Variants in C3orf70 observed in about 807,000 individuals in gnomAD.
The protein encoded by C3orf70 is UPF0524 protein C3orf70.
C3orf70 carries 15 observed loss-of-function variants against 20.7 expected under a neutral mutation model. The ratio of observed to expected loss-of-function variants is 0.72; its 90% CI spans 0.48 to 1.11. The LOEUF is 1.11. C3orf70 is among the 50% of genes most tolerant of loss of function. The probability of loss-of-function intolerance (pLI) is 0.00; values close to 1 mark genes in which losing one functional copy is unlikely to be tolerated. For missense variants in C3orf70, 332 were observed against 317.6 expected, an observed-to-expected ratio of 1.05 and a Z score of -0.34; for synonymous variants, 161 against 125.7, an observed-to-expected ratio of 1.28 and a Z score of -1.88.
At chr3:185,146,284 T>G (rs1237320860) in intron 1 of C3orf70, among the ~76,000 whole-genome samples, 2 of 131,256 alleles carry the variant, frequency 1.5e-5, no homozygotes, top group African/African-American at 3.5e-5. Flanking sequence ...TCATTTTTTT[T>G]TTTTTTTTTT....
chr3:185,145,800 G>A (rs1279538795), intron 1 of C3orf70, among the ~76,000 whole-genome samples: 1 of 152,180 alleles, frequency 6.6e-6, no homozygotes, highest in Admixed American at 6.5e-5. Context: ...GTTTAAATGA[G>A]CAAACACATA....
intron 1 of C3orf70, among the ~76,000 whole-genome samples, chr3:185,092,820 G>A (rs527766265): frequency 2.2e-3 from 340 of 151,856 alleles, no homozygotes; most frequent in Middle Eastern, 0.01. Context: ...GTGAAACCCC[G>A]TCTGTGCTAA....
At chr3:185,129,485 C>T (rs768984171) in intron 1 of C3orf70, among the ~76,000 whole-genome samples, 21 of 152,124 alleles carry the variant, frequency 1.4e-4, no homozygotes, top group Non-Finnish European at 2.9e-4. Flanking sequence ...CTGATGGGCA[C>T]ACGTAGGTTG....
chr3:185,111,968 A>G (rs922073695), intron 1 of C3orf70, among the ~76,000 whole-genome samples: 7 of 152,238 alleles, frequency 4.6e-5, no homozygotes. Context: ...ACAAAGAGAT[A>G]GAAAATACTT....
intron 1 of C3orf70, among the ~76,000 whole-genome samples, chr3:185,109,338 G>A (rs1160537596): frequency 6.6e-6 from 1 of 152,218 alleles, no homozygotes; most frequent in African/African-American, 2.4e-5. Flanking sequence ...TAGAGGTTAT[G>A]CTTGCGTTTC....
intron 1 of C3orf70, among the ~76,000 whole-genome samples, chr3:185,145,733 TTCCTA>T (rs1419774605): frequency 2.0e-5 from 3 of 152,212 alleles, no homozygotes; most frequent in African/African-American, 7.2e-5. Context: ...TTGGGCAAAT[TTCCTA>T]ATCTTAAAAA....
intron 1 of C3orf70, among the ~76,000 whole-genome samples, chr3:185,089,321 G>C (rs1171204297): frequency 6.6e-6 from 1 of 151,730 alleles, no homozygotes; most frequent in African/African-American, 2.4e-5. Flanking sequence ...ATTGCTACCT[G>C]TTACTATCAT....
chr3:185,123,010 A>G (rs1465372631), intron 1 of C3orf70, among the ~76,000 whole-genome samples: 1 of 151,508 alleles, frequency 6.6e-6, no homozygotes, highest in African/African-American at 2.4e-5. Context: ...AAAAAGAAAA[A>G]GAAAAAGAAA....
intron 1 of C3orf70, among the ~76,000 whole-genome samples, chr3:185,120,177 G>A (rs751126449): frequency 6.6e-6 from 1 of 152,070 alleles, no homozygotes; most frequent in Non-Finnish European, 1.5e-5. Flanking sequence ...TCTGTCTAAC[G>A]GTGAAAATGT....
intron 1 of C3orf70, among the ~76,000 whole-genome samples, chr3:185,113,832 A>G (rs1414242471): frequency 6.6e-6 from 1 of 152,208 alleles, no homozygotes. Context: ...CTGTCCTTAG[A>G]GTCAGAATCT....
intron 1 of C3orf70, among the ~76,000 whole-genome samples, chr3:185,131,872 C>T (rs1330975409): frequency 1.3e-5 from 2 of 152,164 alleles, no homozygotes; most frequent in Non-Finnish European, 2.9e-5. Flanking sequence ...AAAAGAAACT[C>T]TCCAAAAAGT....
intron 1 of C3orf70, among the ~76,000 whole-genome samples, chr3:185,108,993 G>C (rs1186105726): frequency 6.6e-6 from 1 of 152,206 alleles, no homozygotes; most frequent in Non-Finnish European, 1.5e-5. Flanking sequence ...TACTAGCCAA[G>C]CTCTAGCTAC....
rs189225217 is a variant in C3orf70, at chr3:185,096,544, C to T, written c.197-12981G>A. ...ATTTTGCCTTCCATATATGCTCTGC[C>T]GTAATGGACAGAATTGCTTTACAGT... On this transcript the variant is annotated intron_variant, in intron 1 of 1. Coordinates refer to ENST00000335012, the MANE Select transcript of C3orf70 (RefSeq NM_001025266.3). Among the ~76,000 whole-genome samples, 16 of 152,176 alleles carry T rather than the reference C, an allele frequency of 1.1e-4. No homozygotes were observed. The South Asian group carries it at 2.7e-3, about 26-fold the overall frequency.
rs115163786 is a variant in C3orf70 at position 185,148,501 on chromosome 3, T to C, written c.196+4127A>G. ...CAAATATCTCTCAAATACACTCTTA[T>C]CTCCACCTCCACCAATCTAATTTCT... On this transcript the variant is annotated intron_variant, in intron 1 of 1. Coordinates refer to ENST00000335012, the MANE Select transcript of C3orf70 (RefSeq NM_001025266.3). 3.6e-3 allele frequency among the ~76,000 whole-genome samples: 545 copies of C among 152,284 alleles called. 2 individuals are homozygous for C. The highest frequency in any genetic ancestry group is 0.013 in the African/African-American group (534 of 41,538).
At chr3:185,091,761 T>G (rs1253349092) in intron 1 of C3orf70, among the ~76,000 whole-genome samples, 1 of 149,300 alleles carries the variant, frequency 6.7e-6, no homozygotes, top group Non-Finnish European at 1.5e-5. Flanking sequence ...CTTGGCTCAC[T>G]GCAACCTCCG....
intron 1 of C3orf70, among the ~76,000 whole-genome samples, chr3:185,093,176 T>C (rs187661405): frequency 6.6e-6 from 1 of 152,024 alleles, no homozygotes; most frequent in East Asian, 1.9e-4. Flanking sequence ...AGAATGGAGG[T>C]GGTGGAACAA....
rs113106000 is a variant in C3orf70 at position 185,083,005 on chromosome 3, T to G, written c.*2A>C. On this transcript the variant is annotated 3_prime_UTR_variant, in exon 2 of 2. Transcript: ENST00000335012. ...CGAGGCTGTGGCTTCCTGTCTGGAC[T>G]CTCACACAGTCGTTTCTATCGTTTC... 4,570 of 1,611,940 alleles carry G rather than the reference T, an allele frequency of 2.8e-3. 99 individuals are homozygous for G. The African/African-American group carries it at 0.05, about 18-fold the overall frequency.
rs6444028 is a variant in C3orf70, at chr3:185,080,334, G to A, written c.*2673C>T. Reference sequence around the variant, plus strand: ...GTCTAATCAGAATGGCAGTTCAGGAGTCTAAAAAAACAGGAACCTAGACAG... The same window carrying A: ...GTCTAATCAGAATGGCAGTTCAGGAATCTAAAAAAACAGGAACCTAGACAG... On this transcript the variant is annotated 3_prime_UTR_variant, in exon 2 of 2. Coordinates refer to ENST00000335012, the MANE Select transcript of C3orf70 (RefSeq NM_001025266.3). 2.4e-4 allele frequency: 37 copies of A among 152,672 alleles called. No homozygotes were observed. Among genetic ancestry groups the A allele is most frequent in the African/African-American group, 8.4e-4 (35 of 41,528 alleles). 9.5% of individuals were successfully genotyped at this position (152,672 alleles called of 1,614,324 possible).
intron 1 of C3orf70, among the ~76,000 whole-genome samples, chr3:185,087,680 T>A (rs1715485622): frequency 6.6e-6 from 1 of 152,086 alleles, no homozygotes; most frequent in African/African-American, 2.4e-5. Flanking sequence ...GGGGAGTTGT[T>A]GTTTAATGGG....
Sources: allele counts gnomAD v4.1 joint callset (sites outside exome capture counted in the v4.1 genomes callset), GRCh38; gene constraint gnomAD v4.1.1; transcripts MANE v1.5; gene names NCBI Gene and HGNC (gene_info 2026-07-23, HGNC 2026-07-21).